Variants in SPOCK3 observed in about 807,000 individuals in gnomAD.
SPOCK3 encodes SPARC (osteonectin), cwcv and kazal like domains proteoglycan 3, also known as testican-3.
A neutral mutation model predicts 56.6 loss-of-function variants in SPOCK3; 30 were observed. The ratio of observed to expected loss-of-function variants is 0.53; its 90% confidence interval spans 0.40 to 0.72. SPOCK3 has a LOEUF of 0.72. Among genes scored for constraint, SPOCK3 ranks in the 30% least tolerant of loss-of-function variants. SPOCK3 has a pLI of 0.00. For synonymous variants in SPOCK3, 196 were observed against 183.3 expected (o/e 1.07, Z -0.56); for missense variants, 527 against 530.0 (o/e 0.99, Z 0.06).
intron 6 of SPOCK3, among the ~76,000 whole-genome samples, chr4:166,868,009 A>G (rs188579309): frequency 1.3e-5 from 2 of 152,168 alleles, no homozygotes; most frequent in East Asian, 3.9e-4. Flanking sequence ...TTTAAAAATA[A>G]GTTTTGAGAA....
At chr4:166,848,252 A>G (rs1748304212) in intron 6 of SPOCK3, among the ~76,000 whole-genome samples, 1 of 152,216 alleles carries the variant, frequency 6.6e-6, no homozygotes, top group African/African-American at 2.4e-5. Flanking sequence ...TCTTCAAATG[A>G]CTACAGCATA....
In SPOCK3 at chr4:167,176,632, G is replaced by GCAATTGATA. The variant is rs1386204142; in HGVS notation, c.189+57352_189+57353insTATCAATTG. 9.6e-4 allele frequency among the ~76,000 whole-genome samples: 146 copies of GCAATTGATA among 152,032 alleles called. 1 individual carries two copies. The highest frequency in any genetic ancestry group is 3.3e-3 in the African/African-American group (138 of 41,460). On this transcript the variant is annotated intron_variant, in intron 2 of 10. Coordinates refer to ENST00000357545, the MANE Select transcript of SPOCK3 (RefSeq NM_001040159.2). ...TGCTTCCATCTCTTTCAGTTCTTGG[G>GCAATTGATA]TATCAATTCGCTATATCCCATTCAG...
chr4:167,097,190 T>C (rs551485031), intron 2 of SPOCK3, among the ~76,000 whole-genome samples: 1 of 152,012 alleles, frequency 6.6e-6, no homozygotes, highest in African/African-American at 2.4e-5. Flanking sequence ...AGTTGGGCTT[T>C]GGGTTAATAT....
chr4:166,840,917 T>C (rs1747211037), intron 6 of SPOCK3, among the ~76,000 whole-genome samples: 1 of 151,564 alleles, frequency 6.6e-6, no homozygotes, highest in Non-Finnish European at 1.5e-5. Context: ...TAGCTGGTAC[T>C]ATAGGTGCCC....
chr4:167,059,344 C>T (rs1167391051), intron 3 of SPOCK3, among the ~76,000 whole-genome samples: 6 of 152,042 alleles, frequency 3.9e-5, no homozygotes, highest in African/African-American at 1.2e-4. Context: ...GGGCAAAGGA[C>T]ATGAACAGAC....
At chr4:166,964,252 A>G (rs894882871) in intron 4 of SPOCK3, among the ~76,000 whole-genome samples, 5 of 151,836 alleles carry the variant, frequency 3.3e-5, no homozygotes, top group African/African-American at 4.8e-5. Context: ...TCTTCCTATC[A>G]GTATTCATTA....
intron 2 of SPOCK3, among the ~76,000 whole-genome samples, chr4:167,096,189 T>G (rs747333493): frequency 2.2e-4 from 34 of 151,982 alleles, no homozygotes; most frequent in Non-Finnish European, 4.0e-4. Flanking sequence ...TTGTCATTTT[T>G]GTCTGCAGGT....
At chr4:167,189,829 T>A (rs569280194) in intron 2 of SPOCK3, among the ~76,000 whole-genome samples, 1 of 145,962 alleles carries the variant, frequency 6.9e-6, no homozygotes, top group South Asian at 2.1e-4. Context: ...TCTCTGCTTT[T>A]ACGAGTTCAA....
At chr4:166,810,997 A>G (rs1306999449) in intron 6 of SPOCK3, among the ~76,000 whole-genome samples, 1 of 151,848 alleles carries the variant, frequency 6.6e-6, no homozygotes, top group Admixed American at 6.6e-5. Context: ...TTTCTTCAGT[A>G]TTTATCTAGT....
intron 2 of SPOCK3, among the ~76,000 whole-genome samples, chr4:167,166,673 T>C (rs1474130855): frequency 5.3e-5 from 8 of 152,102 alleles, no homozygotes; most frequent in Non-Finnish European, 1.0e-4. Flanking sequence ...GTAAATGGTC[T>C]GTTGAAATGT....
chr4:166,883,339 T>C (rs1489715428), intron 6 of SPOCK3: 2 of 152,192 alleles, frequency 1.3e-5, no homozygotes, highest in African/African-American at 4.8e-5. Flanking sequence ...TGTCATACTG[T>C]AAATAAAAAT....
chr4:166,934,423 G>A (rs1234967048), intron 4 of SPOCK3, among the ~76,000 whole-genome samples: 4 of 151,774 alleles, frequency 2.6e-5, no homozygotes, highest in Non-Finnish European at 4.4e-5. Context: ...GCGAGAACCC[G>A]GGAGGAGGAG....
Position 167,190,397 on chromosome 4 carries a change from G to T in SPOCK3, c.189+43588C>A, listed in dbSNP as rs544368282. The stretch of plus-strand genomic sequence containing the variant: ...TTGAGCATCTTTTCACATACCTATT[G>T]GACATTCATATATCTTCTTTGGAAA... On this transcript the variant is annotated intron_variant, in intron 2 of 10. Coordinates refer to ENST00000357545, the MANE Select transcript of SPOCK3 (RefSeq NM_001040159.2). Among the ~76,000 whole-genome samples the T allele has an allele frequency of 2.6e-4, 38 of 145,648 alleles. 4 individuals carry two copies. In the East Asian group the frequency reaches 3.5e-3, roughly 14 times the overall value.
chr4:166,815,290 C>T (rs1254851754), intron 6 of SPOCK3, among the ~76,000 whole-genome samples: 1 of 150,372 alleles, frequency 6.7e-6, no homozygotes, highest in African/African-American at 2.5e-5. Flanking sequence ...GACCTATGAC[C>T]ACAAAACTGT....
chr4:167,011,553 A>G (rs1200245129), intron 3 of SPOCK3, among the ~76,000 whole-genome samples: 1 of 152,176 alleles, frequency 6.6e-6, no homozygotes, highest in African/African-American at 2.4e-5. Context: ...AACAATAACC[A>G]TAACGACAAC....
intron 7 of SPOCK3, among the ~76,000 whole-genome samples, chr4:166,776,047 T>G (rs1203458508): frequency 6.6e-6 from 1 of 152,046 alleles, no homozygotes; most frequent in Non-Finnish European, 1.5e-5. Flanking sequence ...TAAGAAGAGT[T>G]AAACCAGTAA....
intron 4 of SPOCK3, among the ~76,000 whole-genome samples, chr4:166,941,333 A>G (rs1419995622): frequency 1.3e-5 from 2 of 152,216 alleles, no homozygotes; most frequent in African/African-American, 4.8e-5. Flanking sequence ...GAATTTAAGA[A>G]AGACATCTTG....
At chr4:167,068,518 TA>T (rs1225486429) in intron 2 of SPOCK3, among the ~76,000 whole-genome samples, 1 of 151,744 alleles carries the variant, frequency 6.6e-6, no homozygotes, top group African/African-American at 2.4e-5. Context: ...TTATATCATG[TA>T]AAAATAAAAA....
intron 3 of SPOCK3, among the ~76,000 whole-genome samples, chr4:167,044,463 C>T (rs1753534449): frequency 2.0e-5 from 3 of 151,684 alleles, no homozygotes; most frequent in South Asian, 2.1e-4. Context: ...CTCCTTCTTA[C>T]TTCAGACTTA....
Sources: gnomAD v4.1 joint callset for allele counts (sites outside exome capture counted in the v4.1 genomes callset) on GRCh38, gnomAD v4.1.1 for gene constraint, MANE v1.5 for transcripts, NCBI Gene and HGNC (gene_info 2026-07-23, HGNC 2026-07-21) for gene names.